The following FLNA variants were observed in gnomAD, a reference collection of about 807,000 sequenced individuals.
FLNA encodes filamin-A.
FLNA carries 7 observed loss-of-function variants against 157.6 expected under a neutral mutation model. The ratio of observed to expected loss-of-function variants is 0.04; its 90% CI spans 0.03 to 0.08. FLNA has a LOEUF of 0.08. FLNA is among the 10% of genes least tolerant of loss of function. The pLI is 1.00. For missense variants in FLNA, 1,750 were observed against 2,398.4 expected (o/e 0.73, Z 5.65); for synonymous variants, 1,103 against 1,060.8 (o/e 1.04, Z -0.77).
Position 154,348,764 on chromosome X carries a change from C to CCA in FLNA, c.*84_*85insTG, listed in dbSNP as rs201431046. ...GTGACAGGCGGGCGGCCAGGGCGGC[C>CCA]TGGGCCGGGGTTGAGGGGAAGAGGG... is the stretch of plus-strand genomic sequence containing the variant. On this transcript the variant is annotated 3_prime_UTR_variant, in exon 48 of 48. Transcript: ENST00000369850. 0.13 allele frequency: 125,835 copies of CCA among 984,398 alleles called. 6,530 individuals are homozygous for CCA. The highest frequency in any genetic ancestry group is 0.28 in the African/African-American group (14,496 of 51,651). The allele number at this position is 984,398 out of a possible 1,213,427, so 81.1% of individuals were successfully genotyped here. A position where few individuals can be genotyped will look rare whatever the true frequency, so the allele number is the denominator to read the frequency against.
chrX:154,361,065 A>C (rs57133748), intron 21 of FLNA, among the ~76,000 whole-genome samples: 2 of 89,173 alleles, frequency 2.2e-5, no homozygotes, highest in African/African-American at 9.5e-5. Context: ...AAAAAAAAAA[A>C]AAAAAAAAAA....
rs1052147930 is a variant in FLNA at position 154,371,361 on chromosome X, G to C, written c.-116C>G. 123 of 959,778 alleles carry C rather than the reference G, an allele frequency of 1.3e-4. No homozygotes were observed. The South Asian group carries it at 1.7e-3, about 13-fold the overall frequency. 79.1% of individuals were successfully genotyped at this position (959,778 alleles called of 1,213,427 possible). ...AGGCGAGGCAGGGAGCAGAGGTTGC[G>C]CTGCGGAGAGAGCGAGCCCTTTAAA... On this transcript the variant is annotated splice_region_variant and 5_prime_UTR_variant, in exon 2 of 48. Coordinates refer to ENST00000369850, the MANE Select transcript of FLNA (RefSeq NM_001110556.2).
chrX:154,353,789 G>A, intron 35 of FLNA, 62 bp from the exon 36 acceptor site: 1 of 1,191,492 alleles, frequency 8.4e-7, no homozygotes, highest in Admixed American at 2.2e-5. Flanking sequence ...GGCCTGCACT[G>A]AGGAGCTCCG....
chrX:154,358,272 G>A lies in FLNA; in HGVS notation c.4682C>T (p.Pro1561Leu). 3.3e-6 allele frequency: 4 copies of A among 1,211,234 alleles called. No individual in the cohort carries two copies. The highest frequency in any genetic ancestry group is 4.5e-6 in the Non-Finnish European group (4 of 895,407). ...SGPGLNTTGV[P>L]ASLPVEFTID... ...GGTGAACTCCACGGGCAGGCTGGCA[G>A]GCACGCCAGTGGTGTTGAGCCCGGG... The change falls in exon 28 of 48, where the codon CCT (proline) becomes CTT (leucine). Residue 1561 changes from proline (P) to leucine (L), a missense_variant. This residue lies in a region of FLNA where 970 missense variants were observed against 1,302.6 expected (regional missense o/e 0.74). Coordinates refer to ENST00000369850, the MANE Select transcript of FLNA (RefSeq NM_001110556.2).
chrX:154,351,607 G>A lies in FLNA; in HGVS notation c.6997C>T (p.Arg2333Cys), dbSNP rs781984348. The A allele has an allele frequency of 2.9e-5, 35 of 1,204,886 alleles. No homozygotes were observed. The East Asian group carries it at 7.7e-4, about 27-fold the overall frequency. Residue 2333 changes from arginine (R) to cysteine (C), a missense_variant, in exon 43 of 48, where the codon CGC becomes TGC. Physicochemically the swap from Arg to Cys is radical, Grantham distance 180. Coordinates refer to ENST00000369850, the MANE Select transcript of FLNA (RefSeq NM_001110556.2). ...VPVASPSGDA[R>C]RLTVSSLQES... ...TGAAGGCTAGAAACAGTGAGGCGGC[G>A]GGCGTCGCCAGACGGAGAAGCCACA...
At chrX:154,356,928 G>A (rs1300207482) in intron 30 of FLNA, among the ~76,000 whole-genome samples, 1 of 112,139 alleles carries the variant, frequency 8.9e-6, no homozygotes, top group Non-Finnish European at 1.9e-5. Context: ...GCCTCCCTGG[G>A]TGCCAAGATC....
intron 1 of FLNA, 84 bp from the exon 2 acceptor site, chrX:154,371,445 G>C: frequency 2.2e-6 from 1 of 446,643 alleles, no homozygotes; most frequent in South Asian, 3.4e-5. Context: ...CGTGGGGTGG[G>C]GCTTCGAGGG....
chrX:154,359,218 A>G, intron 25 of FLNA, 28 bp downstream of exon 25: 4 of 1,210,902 alleles, frequency 3.3e-6, no homozygotes, highest in Non-Finnish European at 4.5e-6. Context: ...AGACAGTCCC[A>G]GCCCTGCCCT....
chrX:154,352,924 C>T lies in FLNA; in HGVS notation c.6227G>A (p.Gly2076Asp). 1 of 1,211,825 alleles carries T rather than the reference C, an allele frequency of 8.3e-7. No individual in the cohort carries two copies. Among genetic ancestry groups the T allele is most frequent in the Non-Finnish European group, 1.1e-6 (1 of 895,548 alleles). Residue 2076 changes from glycine to aspartate, a missense_variant and splice_region_variant, in exon 39 of 48, where the codon GGC (glycine) becomes GAC (aspartate). Gly to Asp is a moderately conservative substitution (Grantham distance 94, BLOSUM62 -1). Coordinates refer to ENST00000369850, the MANE Select transcript of FLNA (RefSeq NM_001110556.2). ...AATGGACAGGCTGAGCCCACCATAG[C>T]CTAGGGGATGGATACCCCTGAGCCT... is the stretch of plus-strand genomic sequence containing the variant. ...AEFIIDTRDAGYGGLSLSIEG... is the reference protein window; with the variant it reads ...AEFIIDTRDADYGGLSLSIEG...
At position 154,353,450 on chromosome X, in the gene FLNA, G is replaced by A. The variant is rs2067638040; in HGVS notation, c.5868C>T (p.Asp1956=). 8.3e-7 allele frequency: 1 copy of A among 1,211,651 alleles called. No individual in the cohort carries two copies. Among genetic ancestry groups the A allele is most frequent in the African/African-American group, 1.7e-5 (1 of 57,955 alleles). Residue 1956 remains aspartate (D), a synonymous_variant, in exon 37 of 48, where the codon GAC becomes GAT. Coordinates refer to ENST00000369850, the MANE Select transcript of FLNA (RefSeq NM_001110556.2). ...SPFTARVTGD[D]SMRMSHLKVG... is the part of the protein sequence containing the mutation. ...CCTTTAGGTGGGACATACGCATGGA[G>A]TCGTCACCTGGTGGGGACAGGCCAG...
In FLNA at chrX:154,366,820, T is replaced by C. The variant is rs781943363; in HGVS notation, c.899A>G (p.Lys300Arg). The C allele has an allele frequency of 1.7e-6, 2 of 1,211,400 alleles. No individual in the cohort carries two copies. The highest frequency in any genetic ancestry group is 1.8e-5 in the South Asian group (1 of 57,034). Residue 300 changes from lysine (K) to arginine (R), a missense_variant, in exon 6 of 48, where the codon AAG becomes AGG. Lys to Arg is a conservative substitution (Grantham distance 26, BLOSUM62 2). Coordinates refer to ENST00000369850, the MANE Select transcript of FLNA (RefSeq NM_001110556.2). Reference sequence around the variant, plus strand: ...GGTCTCCACAGTGAACTCTGCCCGCTTCTTCACCATGTTGCCTGTGGGCTC... The same window carrying C: ...GGTCTCCACAGTGAACTCTGCCCGCCTCTTCACCATGTTGCCTGTGGGCTC... Reference protein sequence around the residue: ...GIEPTGNMVKKRAEFTVETRS... With the variant: ...GIEPTGNMVKRRAEFTVETRS...
chrX:154,357,836 G>A (rs180756874), intron 28 of FLNA, among the ~76,000 whole-genome samples: 5 of 112,817 alleles, frequency 4.4e-5, no homozygotes, highest in South Asian at 3.6e-4. Flanking sequence ...CAACAGGCGC[G>A]GCCAGCCAGC....
At position 154,357,269 on chromosome X, in the gene FLNA, T is replaced by A; in HGVS notation, c.4951A>T (p.Ile1651Phe). The A allele has an allele frequency of 1.7e-6, 2 of 1,209,042 alleles. No individual in the cohort carries two copies. Among genetic ancestry groups the A allele is most frequent in the Non-Finnish European group, 2.2e-6 (2 of 894,402 alleles). The change falls in exon 30 of 48, where the codon ATC becomes TTC. Residue 1651 changes from isoleucine to phenylalanine, a missense_variant. Around this residue, in one of 5 missense-constraint regions of FLNA, gnomAD observed 970 missense variants for 1,302.6 expected, o/e 0.74. Coordinates refer to ENST00000369850, the MANE Select transcript of FLNA (RefSeq NM_001110556.2). ...AGCTTACCTAGCCCGTGACCTCCGA[T>A]TGACACTGAGGTGAGAGGGCAGAGA... The part of the protein sequence containing the change: ...DASKCTVTVS[I>F]GGHGLGAGIG...
Position 154,362,034 on chromosome X carries a change from T to A in FLNA, c.2771A>T (p.Asp924Val). 8.3e-7 allele frequency: 1 copy of A among 1,210,788 alleles called. No individual in the cohort carries two copies. The highest frequency in any genetic ancestry group is 1.8e-5 in the South Asian group (1 of 56,959). The change falls in exon 19 of 48, where the codon GAC (aspartate) becomes GTC (valine). Residue 924 changes from aspartate to valine, a missense_variant. Transcript: ENST00000369850. ...GGTGTTGTCATGGTGGTCGATGATGTCCACATCTCGCACTGCATCCCCCTT... is the reference window on the plus strand; with the variant it reads ...GGTGTTGTCATGGTGGTCGATGATGACCACATCTCGCACTGCATCCCCCTT... ...LTKGDAVRDV[D>V]IIDHHDNTYT...
In FLNA at chrX:154,361,580, C is replaced by T. The variant is rs1603361583; in HGVS notation, c.2945-10G>A. 8 of 1,209,474 alleles carry T rather than the reference C, an allele frequency of 6.6e-6. No homozygotes were observed. The highest frequency in any genetic ancestry group is 5.3e-5 in the South Asian group (3 of 56,823). On this transcript the variant is annotated splice_polypyrimidine_tract_variant and intron_variant, in intron 20 of 47. Coordinates refer to ENST00000369850, the MANE Select transcript of FLNA (RefSeq NM_001110556.2). ...TTGCCAACGTCCACCTCTGTGGAAA[C>T]GATGAAAGGAAGGAGAGAGACATGA...
At chrX:154,372,733 T>TC (rs1461311166) in intron 1 of FLNA, among the ~76,000 whole-genome samples, 1 of 109,737 alleles carries the variant, frequency 9.1e-6, no homozygotes, top group Non-Finnish European at 1.9e-5. Context: ...TGAGTGTTTT[T>TC]TTTTTTTTTC....
chrX:154,355,130 T>G (rs1261706155), intron 30 of FLNA, 58 bp from the exon 31 acceptor site: 4 of 1,148,689 alleles, frequency 3.5e-6, no homozygotes, highest in Non-Finnish European at 4.7e-6. Flanking sequence ...GGGTTCAGGT[T>G]GTTCCCGTCC....
intron 17 of FLNA, 22 bp downstream of exon 17, chrX:154,362,396 C>T (rs1431363238): frequency 3.3e-6 from 4 of 1,208,903 alleles, no homozygotes; most frequent in South Asian, 1.8e-5. Context: ...GACATCTTAG[C>T]GGCCAGGAGC....
Position 154,358,519 on chromosome X carries a change from G to A in FLNA, c.4524C>T (p.Thr1508=), listed in dbSNP as rs782141778. 6 of 1,207,640 alleles carry A rather than the reference G, an allele frequency of 5.0e-6. No individual in the cohort carries two copies. Among genetic ancestry groups the A allele is most frequent in the South Asian group, 3.5e-5 (2 of 56,743 alleles). ...CTTCTCGGCTGGGCACATAATTGAC[G>A]GTCTGGGTGCCATCAGCGTTGTCTA... The part of the protein sequence containing the change: ...DVVDNADGTQ[T]VNYVPSREGP... The change falls in exon 27 of 48, where the codon ACC becomes ACT. Residue 1508 remains threonine, a synonymous_variant. Transcript: ENST00000369850.
Sources: allele counts gnomAD v4.1 joint callset (sites outside exome capture counted in the v4.1 genomes callset), GRCh38; gene constraint gnomAD v4.1.1; regional missense constraint gnomAD v4.1.1; transcripts MANE v1.5; gene names NCBI Gene and HGNC (gene_info 2026-07-23, HGNC 2026-07-21).